NDUFAF2: variants seen among roughly 807,000 people sequenced by gnomAD.
NDUFAF2 encodes the protein NADH:ubiquinone oxidoreductase complex assembly factor 2, also known as NADH dehydrogenase [ubiquinone] 1 alpha subcomplex assembly factor 2.
Under a neutral mutation model 22.8 loss-of-function variants are expected in NDUFAF2, and 13 were observed. The ratio of observed to expected loss-of-function variants is 0.57; its 90% confidence interval spans 0.37 to 0.91. The LOEUF (loss-of-function observed/expected upper bound fraction) is 0.91, where lower values mean the gene tolerates loss of function less well. Among genes scored for constraint, NDUFAF2 ranks in the 40% least tolerant of loss-of-function variants. NDUFAF2 has a pLI of 0.01. For missense variants in NDUFAF2, 162 were observed against 195.2 expected, an observed-to-expected ratio of 0.83 and a Z score of 1.01; for synonymous variants, 53 against 64.2, an observed-to-expected ratio of 0.83 and a Z score of 0.84.
chr5:61,124,425 A>T (rs1012384592), intron 3 of NDUFAF2, among the ~76,000 whole-genome samples: 1 of 151,848 alleles, frequency 6.6e-6, no homozygotes, highest in African/African-American at 2.4e-5. Context: ...TTATGGAAAG[A>T]TTTCTATTTT....
intron 1 of NDUFAF2, among the ~76,000 whole-genome samples, chr5:60,953,572 G>A (rs1382256152): frequency 6.6e-6 from 1 of 152,094 alleles, no homozygotes. Context: ...GGCGGATAAA[G>A]TTTTTGAGTC....
intron 1 of NDUFAF2, among the ~76,000 whole-genome samples, chr5:60,994,937 C>T (rs183204327): frequency 1.3e-5 from 2 of 152,198 alleles, no homozygotes; most frequent in African/African-American, 4.8e-5. Context: ...TGACTTCAAG[C>T]TCACTGATTC....
At chr5:61,018,189 A>G (rs1160506560) in intron 1 of NDUFAF2, among the ~76,000 whole-genome samples, 2 of 152,214 alleles carry the variant, frequency 1.3e-5, no homozygotes, top group African/African-American at 4.8e-5. Flanking sequence ...TGGTAAAATA[A>G]TATATAATGG....
At position 61,009,883 on chromosome 5, in the gene NDUFAF2, C is replaced by T. The variant is rs115912996; in HGVS notation, c.128-63242C>T. 2.3e-3 allele frequency among the ~76,000 whole-genome samples: 357 copies of T among 152,002 alleles called. 2 individuals carry two copies. The highest frequency in any genetic ancestry group is 7.9e-3 in the African/African-American group (328 of 41,518). Reference sequence around the variant, plus strand: ...ATTCCCTTCCTCTAAAAAAACAAAGCAAAGCAAAACAAAAAACTCCACATC... The same window carrying T: ...ATTCCCTTCCTCTAAAAAAACAAAGTAAAGCAAAACAAAAAACTCCACATC... On this transcript the variant is annotated intron_variant, in intron 1 of 3. Transcript: ENST00000296597.
At chr5:61,129,000 C>G (rs942281763) in intron 3 of NDUFAF2, among the ~76,000 whole-genome samples, 2 of 152,210 alleles carry the variant, frequency 1.3e-5, no homozygotes, top group African/African-American at 2.4e-5. Flanking sequence ...TGAACAGACA[C>G]TTCTCAAAAG....
At chr5:60,984,335 A>T (rs898930496) in intron 1 of NDUFAF2, among the ~76,000 whole-genome samples, 1 of 152,240 alleles carries the variant, frequency 6.6e-6, no homozygotes, top group East Asian at 1.9e-4. Context: ...CAATCATGTC[A>T]TCTGCAAACA....
intron 1 of NDUFAF2, among the ~76,000 whole-genome samples, chr5:60,954,898 TGTTA>T (rs1286225343): frequency 6.6e-6 from 1 of 152,204 alleles, no homozygotes; most frequent in East Asian, 1.9e-4. Context: ...GAGAAATGCC[TGTTA>T]GTTCCTTTGC....
At chr5:61,045,010 T>C (rs1751928927) in intron 1 of NDUFAF2, among the ~76,000 whole-genome samples, 1 of 100,334 alleles carries the variant, frequency 1.0e-5, no homozygotes, top group Non-Finnish European at 2.1e-5. Context: ...TTTATTAAAA[T>C]TGTATTAAAT....
chr5:61,124,265 T>G (rs1444883744), intron 3 of NDUFAF2, among the ~76,000 whole-genome samples: 1 of 152,092 alleles, frequency 6.6e-6, no homozygotes, highest in Non-Finnish European at 1.5e-5. Context: ...ATCAGATAAT[T>G]AATGCTTTTT....
intron 1 of NDUFAF2, among the ~76,000 whole-genome samples, chr5:61,069,064 C>T (rs1752263876): frequency 2.0e-5 from 3 of 151,198 alleles, no homozygotes; most frequent in Admixed American, 2.0e-4. Context: ...TGAAATTACT[C>T]ATGCAGAGCT....
chr5:61,108,035 AT>A (rs1235180924), intron 3 of NDUFAF2, among the ~76,000 whole-genome samples: 1 of 150,666 alleles, frequency 6.6e-6, no homozygotes, highest in Non-Finnish European at 1.5e-5. Context: ...TGAACTCATC[AT>A]TTTTTATGGC....
chr5:61,112,497 C>G (rs1210729493), intron 3 of NDUFAF2, among the ~76,000 whole-genome samples: 1 of 152,182 alleles, frequency 6.6e-6, no homozygotes, highest in Non-Finnish European at 1.5e-5. Flanking sequence ...CAGGCATGAG[C>G]CACTGCACCC....
intron 2 of NDUFAF2, among the ~76,000 whole-genome samples, chr5:61,080,673 C>A (rs532227992): frequency 2.6e-4 from 40 of 152,034 alleles, no homozygotes; most frequent in African/African-American, 9.6e-4. Flanking sequence ...ACTTTTATAT[C>A]TTTTTGCCCA....
At chr5:61,007,354 C>G (rs1430315934) in intron 1 of NDUFAF2, among the ~76,000 whole-genome samples, 1 of 152,032 alleles carries the variant, frequency 6.6e-6, no homozygotes, top group Non-Finnish European at 1.5e-5. Context: ...GTTTTCCCAG[C>G]ACCATTTATT....
chr5:61,079,742 A>G (rs529734455), intron 2 of NDUFAF2, among the ~76,000 whole-genome samples: 12 of 152,310 alleles, frequency 7.9e-5, no homozygotes, highest in African/African-American at 2.4e-4. Flanking sequence ...CCCTCTGCCA[A>G]TCCTCTAGGG....
intron 2 of NDUFAF2, among the ~76,000 whole-genome samples, chr5:61,090,338 AT>A (rs945976364): frequency 5.9e-5 from 9 of 152,198 alleles, no homozygotes; most frequent in Admixed American, 5.2e-4. Flanking sequence ...CACAAATAAT[AT>A]GTAAACAAAT....
chr5:60,967,628 A>G (rs571798018), intron 1 of NDUFAF2, among the ~76,000 whole-genome samples: 19 of 151,556 alleles, frequency 1.3e-4, no homozygotes, highest in East Asian at 1.9e-4. Flanking sequence ...TCATTCTGTT[A>G]TTATAGTTTA....
intron 1 of NDUFAF2, among the ~76,000 whole-genome samples, chr5:61,018,705 A>G (rs1751542303): frequency 1.3e-5 from 2 of 152,152 alleles, no homozygotes; most frequent in African/African-American, 4.8e-5. Flanking sequence ...AAATTTGTAT[A>G]TTCTCATTCA....
chr5:61,076,729 GGCTGCT>G (rs1171318127), intron 2 of NDUFAF2, among the ~76,000 whole-genome samples: 3 of 152,300 alleles, frequency 2.0e-5, no homozygotes, highest in African/African-American at 7.2e-5. Flanking sequence ...GGATCACTAT[GGCTGCT>G]GCATTGCAAA....
Sources: gnomAD v4.1 joint callset for allele counts (sites outside exome capture counted in the v4.1 genomes callset) on GRCh38, gnomAD v4.1.1 for gene constraint, MANE v1.5 for transcripts, NCBI Gene and HGNC (gene_info 2026-07-23, HGNC 2026-07-21) for gene names.